The following FGF14 variants were observed in gnomAD, a reference collection of about 807,000 sequenced individuals.
FGF14 encodes the protein fibroblast growth factor 14, also known as fibroblast growth factor homologous factor 4.
In FGF14, 5 loss-of-function variants were observed where a neutral mutation model predicts 25.5. The ratio of observed to expected loss-of-function variants is 0.20; its 90% CI spans 0.10 to 0.41. The LOEUF is 0.41. Among genes scored for constraint, FGF14 ranks in the 10% least tolerant of loss-of-function variants. The probability of loss-of-function intolerance (pLI) is 1.00; values close to 1 mark genes in which losing one functional copy is unlikely to be tolerated. For missense variants in FGF14, 222 were observed against 320.1 expected (o/e 0.69, Z 2.34); for synonymous variants, 138 against 118.3 (o/e 1.17, Z -1.08).
intron 1 of FGF14, among the ~76,000 whole-genome samples, chr13:102,270,744 T>G (rs967648792): frequency 6.6e-6 from 1 of 152,168 alleles, no homozygotes; most frequent in Non-Finnish European, 1.5e-5. Context: ...GTTCAAGCTG[T>G]TTGTCATTTA....
intron 3 of FGF14, among the ~76,000 whole-genome samples, chr13:101,773,976 ATCAATTAT>A (rs1161149749): frequency 1.3e-5 from 2 of 151,436 alleles, no homozygotes; most frequent in Admixed American, 1.3e-4. Context: ...TACTTGTTAA[ATCAATTAT>A]TAAGGTAATG....
chr13:102,190,698 G>C (rs947423035), intron 1 of FGF14, among the ~76,000 whole-genome samples: 1 of 152,132 alleles, frequency 6.6e-6, no homozygotes, highest in Admixed American at 6.6e-5. Flanking sequence ...AATTGAGTTG[G>C]GGTGTGGGGA....
At chr13:102,356,121 T>G (rs2057411598) in intron 1 of FGF14, among the ~76,000 whole-genome samples, 1 of 152,178 alleles carries the variant, frequency 6.6e-6, no homozygotes, top group Non-Finnish European at 1.5e-5. Flanking sequence ...AGTGGAGAAT[T>G]GGAGAAAAAT....
intron 1 of FGF14, among the ~76,000 whole-genome samples, chr13:102,184,031 C>G (rs923824537): frequency 2.0e-5 from 3 of 152,152 alleles, no homozygotes; most frequent in Non-Finnish European, 4.4e-5. Context: ...AAATAGAACA[C>G]TTAGCCTTCT....
At chr13:102,047,820 A>G (rs1401014983) in intron 1 of FGF14, among the ~76,000 whole-genome samples, 1 of 152,172 alleles carries the variant, frequency 6.6e-6, no homozygotes, top group Non-Finnish European at 1.5e-5. Flanking sequence ...CCTAAAACTT[A>G]AAGTATAATA....
intron 3 of FGF14, among the ~76,000 whole-genome samples, chr13:101,750,332 C>T (rs532773279): frequency 1.3e-5 from 2 of 152,094 alleles, no homozygotes; most frequent in South Asian, 2.1e-4. Flanking sequence ...TGATATAGAG[C>T]ACTTGACTAT....
intron 1 of FGF14, among the ~76,000 whole-genome samples, chr13:101,965,959 T>G (rs2037166554): frequency 6.6e-6 from 1 of 152,200 alleles, no homozygotes; most frequent in Non-Finnish European, 1.5e-5. Flanking sequence ...CAGCCAGATG[T>G]ATCCACACAT....
intron 1 of FGF14, among the ~76,000 whole-genome samples, chr13:102,081,437 T>G (rs2043615873): frequency 6.6e-6 from 1 of 152,208 alleles, no homozygotes; most frequent in Non-Finnish European, 1.5e-5. Context: ...AACATTTTCC[T>G]TTGCCTTTAC....
chr13:101,753,354 AAAG>A (rs1009017789), intron 3 of FGF14, among the ~76,000 whole-genome samples: 5 of 152,008 alleles, frequency 3.3e-5, no homozygotes, highest in Non-Finnish European at 7.4e-5. Flanking sequence ...AATGGTGGTA[AAAG>A]AAGACCTAAA....
At chr13:102,176,859 T>TA (rs2048470063) in intron 1 of FGF14, among the ~76,000 whole-genome samples, 1 of 150,452 alleles carries the variant, frequency 6.6e-6, no homozygotes, top group Non-Finnish European at 1.5e-5. Flanking sequence ...ATTAAACGTG[T>TA]GGTTTTTTTG....
chr13:102,029,457 T>C (rs929807979), intron 1 of FGF14, among the ~76,000 whole-genome samples: 5 of 152,048 alleles, frequency 3.3e-5, no homozygotes. Flanking sequence ...CTGAAATAAA[T>C]GCATTTGAAA....
At chr13:102,170,383 C>T (rs1010799973) in intron 1 of FGF14, among the ~76,000 whole-genome samples, 3 of 152,040 alleles carry the variant, frequency 2.0e-5, no homozygotes, top group African/African-American at 7.2e-5. Flanking sequence ...TCCTCCTCTT[C>T]GTCCTTCTCC....
At chr13:102,118,846 T>C (rs2045590976) in intron 1 of FGF14, among the ~76,000 whole-genome samples, 1 of 152,116 alleles carries the variant, frequency 6.6e-6, no homozygotes, top group South Asian at 2.1e-4. Context: ...TTAAATTAAA[T>C]TTACTAGATA....
chr13:101,721,989 A>G lies in FGF14; in HGVS notation c.*842T>C, dbSNP rs1001440479. The G allele has an allele frequency of 6.6e-6, 1 of 151,964 alleles. No individual in the cohort carries two copies. Among genetic ancestry groups the G allele is most frequent in the Admixed American group, 6.6e-5 (1 of 15,238 alleles). The allele number at this position is 151,964 out of a possible 1,614,324, so 9.4% of individuals were successfully genotyped here. Reference sequence around the variant, plus strand: ...GGGTCTTGCTCGCTGGGCAAGGCAAATGTTACCATTACCAGTAAGCTTGTG... The same window carrying G: ...GGGTCTTGCTCGCTGGGCAAGGCAAGTGTTACCATTACCAGTAAGCTTGTG... On this transcript the variant is annotated 3_prime_UTR_variant, in exon 5 of 5. Coordinates refer to ENST00000376143, the MANE Select transcript of FGF14 (RefSeq NM_004115.4).
chr13:102,094,580 T>C (rs1361819345), intron 1 of FGF14, among the ~76,000 whole-genome samples: 1 of 152,196 alleles, frequency 6.6e-6, no homozygotes, highest in Admixed American at 6.5e-5. Context: ...AAGGAAGGGA[T>C]AGGTTACCCC....
chr13:101,730,745 G>A (rs758292077), intron 3 of FGF14, among the ~76,000 whole-genome samples: 3 of 152,236 alleles, frequency 2.0e-5, no homozygotes, highest in East Asian at 1.9e-4. Context: ...TGCACAGCAC[G>A]GGCCACAAAC....
chr13:102,249,776 A>G (rs2052075066), intron 1 of FGF14, among the ~76,000 whole-genome samples: 1 of 152,242 alleles, frequency 6.6e-6, no homozygotes, highest in South Asian at 2.1e-4. Flanking sequence ...GTCTTGGGAA[A>G]CTCTTTCACA....
At chr13:101,882,470 G>C (rs947799266) in intron 1 of FGF14, among the ~76,000 whole-genome samples, 7 of 151,786 alleles carry the variant, frequency 4.6e-5, no homozygotes, top group Non-Finnish European at 1.0e-4. Context: ...AATTACACCA[G>C]ATGTGCAGTT....
At chr13:102,240,512 C>T (rs2141025662) in intron 1 of FGF14, among the ~76,000 whole-genome samples, 1 of 152,260 alleles carries the variant, frequency 6.6e-6, no homozygotes, top group Non-Finnish European at 1.5e-5. Flanking sequence ...TTCTGCTTCC[C>T]ACCATATCTG....
Sources: gnomAD v4.1 joint callset for allele counts (sites outside exome capture counted in the v4.1 genomes callset) on GRCh38, gnomAD v4.1.1 for gene constraint, MANE v1.5 for transcripts, NCBI Gene and HGNC (gene_info 2026-07-23, HGNC 2026-07-21) for gene names.